GRIN2A: variants seen among roughly 807,000 people sequenced by gnomAD.
The protein encoded by GRIN2A is glutamate ionotropic receptor NMDA type subunit 2A.
A neutral mutation model predicts 113.4 loss-of-function variants in GRIN2A; 22 were observed. The ratio of observed to expected loss-of-function variants is 0.19; its 90% CI spans 0.14 to 0.28. GRIN2A has a LOEUF of 0.28. Among genes scored for constraint, GRIN2A ranks in the 10% least tolerant of loss-of-function variants. GRIN2A has a pLI of 1.00. For missense variants in GRIN2A, 1,502 were observed against 1,887.0 expected (o/e 0.80, Z 3.78); for synonymous variants, 827 against 738.4 (o/e 1.12, Z -1.94).
At chr16:10,027,491 G>A (rs930737608) in intron 2 of GRIN2A, 7 of 152,252 alleles carry the variant, frequency 4.6e-5, no homozygotes, top group African/African-American at 9.6e-5. Flanking sequence ...AGCTGAGTGA[G>A]GTTGGTGTGT....
At chr16:10,085,362 A>G (rs1455818461) in intron 2 of GRIN2A, among the ~76,000 whole-genome samples, 2 of 152,328 alleles carry the variant, frequency 1.3e-5, no homozygotes, top group Admixed American at 6.5e-5. Context: ...AATATTCACA[A>G]AAGAAGGGCA....
chr16:10,140,658 C>A (rs1248628430), intron 2 of GRIN2A, among the ~76,000 whole-genome samples: 1 of 152,172 alleles, frequency 6.6e-6, no homozygotes, highest in Non-Finnish European at 1.5e-5. Flanking sequence ...AGGATATGCA[C>A]ATGACCAGCC....
intron 2 of GRIN2A, among the ~76,000 whole-genome samples, chr16:10,044,005 G>GTATATATATATATATATA (rs749614491): frequency 5.0e-5 from 5 of 100,304 alleles, no homozygotes; most frequent in African/African-American, 7.8e-5. Context: ...GTGTGTGTGT[G>GTATATATATATATATATA]TGTATATATA....
intron 2 of GRIN2A, among the ~76,000 whole-genome samples, chr16:10,034,447 C>T (rs969604490): frequency 6.0e-5 from 9 of 149,162 alleles, no homozygotes; most frequent in African/African-American, 2.0e-4. Context: ...AGTGCTTGAA[C>T]CCAGGAGGCG....
chr16:9,880,193 T>A (rs2043449104), intron 4 of GRIN2A, among the ~76,000 whole-genome samples: 1 of 152,098 alleles, frequency 6.6e-6, no homozygotes, highest in South Asian at 2.1e-4. Context: ...CTCAGATTGT[T>A]GGGCAAGCTC....
chr16:10,152,986 A>G (rs1387106244), intron 2 of GRIN2A, among the ~76,000 whole-genome samples: 1 of 152,134 alleles, frequency 6.6e-6, no homozygotes, highest in Non-Finnish European at 1.5e-5. Context: ...TCATGAAATT[A>G]CTCTGTATGT....
At chr16:9,873,740 T>C (rs114129865) in intron 4 of GRIN2A, among the ~76,000 whole-genome samples, 1 of 152,358 alleles carries the variant, frequency 6.6e-6, no homozygotes, top group African/African-American at 2.4e-5. Context: ...GCTTTCCCTG[T>C]ATACAGCATG....
chr16:9,941,025 T>C (rs987413816), intron 2 of GRIN2A, among the ~76,000 whole-genome samples: 2 of 152,196 alleles, frequency 1.3e-5, no homozygotes, highest in Non-Finnish European at 2.9e-5. Flanking sequence ...ATAGCTCCCA[T>C]GTAAATGATG....
At chr16:10,098,931 C>A (rs551804969) in intron 2 of GRIN2A, among the ~76,000 whole-genome samples, 9 of 144,674 alleles carry the variant, frequency 6.2e-5, no homozygotes, top group African/African-American at 2.1e-4. Flanking sequence ...TACTGTCCCC[C>A]CTCCCCCCCC....
chr16:10,115,232 T>A (rs1209374544), intron 2 of GRIN2A, among the ~76,000 whole-genome samples: 1 of 152,192 alleles, frequency 6.6e-6, no homozygotes, highest in African/African-American at 2.4e-5. Context: ...GATCTAAGTT[T>A]TTTTTTTTCA....
In GRIN2A at chr16:9,990,561, GCGCACACACACACACACACA is replaced by G. The variant is rs2046090568; in HGVS notation, c.415-52030_415-52011del. 2.3e-5 allele frequency among the ~76,000 whole-genome samples: 3 copies of G among 128,676 alleles called. No homozygotes were observed. In the Admixed American group the frequency reaches 2.4e-4, roughly 10 times the overall value. The allele number at this position is 128,676 out of a possible 152,430, so 84.4% of individuals were successfully genotyped here. A position where few individuals can be genotyped will look rare whatever the true frequency, so the allele number is the denominator to read the frequency against. ...TCTCTCTACACGCGCGCGCGCGCGC[GCGCACACACACACACACACA>G]CACACACACACACACACGGTTGATG... On this transcript the variant is annotated intron_variant, in intron 2 of 12. Coordinates refer to ENST00000330684, the MANE Select transcript of GRIN2A (RefSeq NM_001134407.3).
At chr16:9,994,847 T>C (rs2046192807) in intron 2 of GRIN2A, among the ~76,000 whole-genome samples, 1 of 152,194 alleles carries the variant, frequency 6.6e-6, no homozygotes, top group South Asian at 2.1e-4. Context: ...ATTAGAGGTA[T>C]TCCTGGCTGG....
chr16:10,106,419 A>G (rs1567303201), intron 2 of GRIN2A, among the ~76,000 whole-genome samples: 1 of 152,046 alleles, frequency 6.6e-6, no homozygotes, highest in Admixed American at 6.5e-5. Context: ...TTAATTTAAA[A>G]AAATTTACAA....
At chr16:9,794,992 A>G (rs1035588337) in intron 11 of GRIN2A, among the ~76,000 whole-genome samples, 5 of 151,864 alleles carry the variant, frequency 3.3e-5, no homozygotes, top group African/African-American at 1.2e-4. Context: ...GATCGTGGTA[A>G]TGAGGATGAT....
intron 11 of GRIN2A, among the ~76,000 whole-genome samples, chr16:9,786,768 C>T (rs1902254316): frequency 6.6e-6 from 1 of 152,192 alleles, no homozygotes; most frequent in South Asian, 2.1e-4. Context: ...TCCTGGACAC[C>T]TTACTTAACT....
chr16:9,884,001 C>T (rs903022986), intron 4 of GRIN2A, among the ~76,000 whole-genome samples: 1 of 152,002 alleles, frequency 6.6e-6, no homozygotes, highest in Admixed American at 6.6e-5. Context: ...TGTGTTTTGT[C>T]CTATTTACAT....
rs886052517 is a variant in GRIN2A at position 9,754,751 on chromosome 16, C to T, written c.*8398G>A. ...TCTTAGATGGCTAATGTAGAAACTTCGATTGAATTCAAAAGGCTATGATTG... is the reference window on the plus strand; with the variant it reads ...TCTTAGATGGCTAATGTAGAAACTTTGATTGAATTCAAAAGGCTATGATTG... On this transcript the variant is annotated 3_prime_UTR_variant, in exon 13 of 13. Coordinates refer to ENST00000330684, the MANE Select transcript of GRIN2A (RefSeq NM_001134407.3). The T allele has an allele frequency of 1.8e-4, 39 of 218,122 alleles. No homozygotes were observed. Among genetic ancestry groups the T allele is most frequent in the Admixed American group, 9.9e-4 (17 of 17,246 alleles). The allele number at this position is 218,122 out of a possible 1,614,324, so 13.5% of individuals were successfully genotyped here.
At chr16:9,953,437 G>C (rs1447111485) in intron 2 of GRIN2A, among the ~76,000 whole-genome samples, 1 of 152,170 alleles carries the variant, frequency 6.6e-6, no homozygotes, top group African/African-American at 2.4e-5. Context: ...GTATAGGTAG[G>C]GGGACAGAGA....
At chr16:10,063,856 C>T (rs914760700) in intron 2 of GRIN2A, among the ~76,000 whole-genome samples, 11 of 152,116 alleles carry the variant, frequency 7.2e-5, no homozygotes, top group East Asian at 1.9e-4. Context: ...CGCCAAAAGC[C>T]GGGCTGATAA....
Sources: gnomAD v4.1 joint callset for allele counts (sites outside exome capture counted in the v4.1 genomes callset) on GRCh38, gnomAD v4.1.1 for gene constraint, MANE v1.5 for transcripts, NCBI Gene and HGNC (gene_info 2026-07-23, HGNC 2026-07-21) for gene names.